The following CAMK1D variants were observed in gnomAD, a reference collection of about 807,000 sequenced individuals.
The protein encoded by CAMK1D is calcium/calmodulin dependent protein kinase ID.
In CAMK1D, 9 loss-of-function variants were observed where a neutral mutation model predicts 47.7. The ratio of observed to expected loss-of-function variants is 0.19; its 90% CI spans 0.11 to 0.33. CAMK1D has a LOEUF of 0.33. Among genes scored for constraint, CAMK1D ranks in the 10% least tolerant of loss-of-function variants. The probability of loss-of-function intolerance (pLI) is 1.00; values close to 1 mark genes in which losing one functional copy is unlikely to be tolerated. For synonymous variants in CAMK1D, 184 were observed against 184.9 expected, an observed-to-expected ratio of 0.99 and a Z score of 0.04; for missense variants, 291 against 488.7, an observed-to-expected ratio of 0.60 and a Z score of 3.81.
At chr10:12,463,652 C>T (rs990582958) in intron 1 of CAMK1D, among the ~76,000 whole-genome samples, 3 of 151,902 alleles carry the variant, frequency 2.0e-5, no homozygotes, top group Admixed American at 1.3e-4. Context: ...CTACGATGTT[C>T]TCGGTGCTTT....
At chr10:12,798,807 T>C (rs1838301722) in intron 6 of CAMK1D, among the ~76,000 whole-genome samples, 1 of 152,234 alleles carries the variant, frequency 6.6e-6, no homozygotes, top group Non-Finnish European at 1.5e-5. Context: ...ATATAGTCTC[T>C]GAATTATCAG....
At chr10:12,794,509 C>G (rs771138445) in intron 6 of CAMK1D, among the ~76,000 whole-genome samples, 3 of 152,132 alleles carry the variant, frequency 2.0e-5, no homozygotes, top group African/African-American at 2.4e-5. Context: ...TGCACCCAAA[C>G]CCTTATGATT....
At chr10:12,564,791 G>A (rs2132299252) in intron 2 of CAMK1D, among the ~76,000 whole-genome samples, 1 of 152,346 alleles carries the variant, frequency 6.6e-6, no homozygotes, top group Non-Finnish European at 1.5e-5. Flanking sequence ...GAAATACAGT[G>A]CTGCAATAGA....
intron 1 of CAMK1D, among the ~76,000 whole-genome samples, chr10:12,378,406 T>C (rs1838245018): frequency 6.7e-6 from 1 of 149,824 alleles, no homozygotes; most frequent in South Asian, 2.1e-4. Flanking sequence ...CCACCACACT[T>C]GGCAAACTTA....
chr10:12,589,154 G>C (rs1247150413), intron 2 of CAMK1D, among the ~76,000 whole-genome samples: 1 of 151,984 alleles, frequency 6.6e-6, no homozygotes, highest in Non-Finnish European at 1.5e-5. Context: ...GGGACCACAG[G>C]TGCACAGCAC....
chr10:12,536,310 A>C (rs1835968473), intron 1 of CAMK1D, among the ~76,000 whole-genome samples: 2 of 151,750 alleles, frequency 1.3e-5, no homozygotes, highest in Admixed American at 6.6e-5. Context: ...ACGGAGGCTC[A>C]CTCTGTCTCC....
intron 1 of CAMK1D, among the ~76,000 whole-genome samples, chr10:12,538,832 G>C (rs935586102): frequency 1.3e-5 from 2 of 151,612 alleles, no homozygotes; most frequent in Admixed American, 6.6e-5. Context: ...CTGAAGTGGT[G>C]GGGGAGGGGG....
intron 3 of CAMK1D, among the ~76,000 whole-genome samples, chr10:12,668,188 G>A (rs996570144): frequency 6.6e-6 from 1 of 152,180 alleles, no homozygotes; most frequent in African/African-American, 2.4e-5. Context: ...AGAAGTTCAT[G>A]TGACTTTGCT....
intron 1 of CAMK1D, among the ~76,000 whole-genome samples, chr10:12,420,769 T>A (rs1034994846): frequency 6.6e-6 from 1 of 152,140 alleles, no homozygotes; most frequent in Non-Finnish European, 1.5e-5. Context: ...TCCACTTCTC[T>A]CCTATAAAAT....
intron 4 of CAMK1D, among the ~76,000 whole-genome samples, chr10:12,768,025 A>G (rs1836859405): frequency 6.6e-6 from 1 of 152,124 alleles, no homozygotes; most frequent in African/African-American, 2.4e-5. Flanking sequence ...GGCATGTGCC[A>G]CCACGCCCGG....
chr10:12,453,775 A>G (rs529746402), intron 1 of CAMK1D, among the ~76,000 whole-genome samples: 4 of 152,228 alleles, frequency 2.6e-5, no homozygotes, highest in Non-Finnish European at 5.9e-5. Context: ...TAAATGTAAC[A>G]ACTAGGATAC....
At chr10:12,650,737 T>C (rs1417577746) in intron 2 of CAMK1D, among the ~76,000 whole-genome samples, 1 of 152,206 alleles carries the variant, frequency 6.6e-6, no homozygotes, top group African/African-American at 2.4e-5. Flanking sequence ...TGTGATGTCC[T>C]AACGGCTGTT....
chr10:12,504,429 C>T (rs1045833627), intron 1 of CAMK1D, among the ~76,000 whole-genome samples: 1 of 152,144 alleles, frequency 6.6e-6, no homozygotes, highest in Non-Finnish European at 1.5e-5. Flanking sequence ...TGGGTAGCCC[C>T]GCTGAAGAAG....
At chr10:12,458,196 G>A (rs1204184760) in intron 1 of CAMK1D, among the ~76,000 whole-genome samples, 4 of 152,106 alleles carry the variant, frequency 2.6e-5, no homozygotes, top group East Asian at 1.9e-4. Flanking sequence ...TGCACATGCC[G>A]AGGATACAGC....
intron 2 of CAMK1D, among the ~76,000 whole-genome samples, chr10:12,605,101 A>T (rs1157593081): frequency 6.6e-6 from 1 of 151,948 alleles, no homozygotes; most frequent in Non-Finnish European, 1.5e-5. Context: ...GTTATACAGG[A>T]TGGTCTCGAT....
At chr10:12,588,284 C>T (rs1837880462) in intron 2 of CAMK1D, among the ~76,000 whole-genome samples, 1 of 152,032 alleles carries the variant, frequency 6.6e-6, no homozygotes, top group African/African-American at 2.4e-5. Flanking sequence ...AGATGACGAG[C>T]TTGTTAAGAA....
intron 3 of CAMK1D, among the ~76,000 whole-genome samples, chr10:12,681,650 C>T (rs1832440047): frequency 6.6e-6 from 1 of 152,224 alleles, no homozygotes; most frequent in Non-Finnish European, 1.5e-5. Context: ...GCATTCTAAG[C>T]TAACTGCCCC....
At chr10:12,474,366 T>C (rs12573449) in intron 1 of CAMK1D, among the ~76,000 whole-genome samples, 5,496 of 152,000 alleles carry the variant, frequency 0.036, 210 homozygotes, top group Admixed American at 0.12. Context: ...TAATTTTTTA[T>C]GTATTTTTAG....
chr10:12,662,781 G>A (rs1840312938), intron 2 of CAMK1D, among the ~76,000 whole-genome samples: 1 of 152,194 alleles, frequency 6.6e-6, no homozygotes, highest in African/African-American at 2.4e-5. Context: ...TGGGGTGACA[G>A]TAGTGAAACA....
Sources: gnomAD v4.1 joint callset for allele counts (sites outside exome capture counted in the v4.1 genomes callset) on GRCh38, gnomAD v4.1.1 for gene constraint, MANE v1.5 for transcripts, NCBI Gene and HGNC (gene_info 2026-07-23, HGNC 2026-07-21) for gene names.